Variants in ELMO2 observed in about 807,000 individuals in gnomAD.
ELMO2 encodes engulfment and cell motility protein 2.
ELMO2 carries 37 observed loss-of-function variants against 96.2 expected under a neutral mutation model. The ratio of observed to expected loss-of-function variants is 0.38; its 90% CI spans 0.30 to 0.51. The LOEUF (loss-of-function observed/expected upper bound fraction) is 0.51, where lower values mean the gene tolerates loss of function less well. Ranked by LOEUF, ELMO2 falls within the 20% of genes least tolerant of loss-of-function variation. The probability of loss-of-function intolerance (pLI) is 0.88; values close to 1 mark genes in which losing one functional copy is unlikely to be tolerated. For missense variants in ELMO2, 561 were observed against 912.6 expected, an observed-to-expected ratio of 0.61 and a Z score of 4.96; for synonymous variants, 315 against 329.4, an observed-to-expected ratio of 0.96 and a Z score of 0.47.
In ELMO2 at chr20:46,368,975, G is replaced by A; in HGVS notation, c.1885-7C>T. 6.2e-7 allele frequency: 1 copy of A among 1,614,118 alleles called. No individual in the cohort carries two copies. On this transcript the variant is annotated splice_region_variant and splice_polypyrimidine_tract_variant and intron_variant, in intron 20 of 21. Coordinates refer to ENST00000290246, the MANE Select transcript of ELMO2 (RefSeq NM_133171.5). ...AGGCCAATTCCAACACCTCCTGAAG[G>A]AGAAAGGGTTTAAATTAGAGCGATG... is the stretch of plus-strand genomic sequence containing the variant.
rs543962709 is a variant in ELMO2 at position 46,373,664 on chromosome 20, C to T, written c.1280-129G>A. ...CCTAAGGCGCGCAATTAACAGGGAG[C>T]GTGGGATGGGCGTTTCTCACGTCCT... is the stretch of plus-strand genomic sequence containing the variant. On this transcript the variant is annotated intron_variant, in intron 15 of 21. Coordinates refer to ENST00000290246, the MANE Select transcript of ELMO2 (RefSeq NM_133171.5). 40 of 1,181,038 alleles carry T rather than the reference C, an allele frequency of 3.4e-5. No homozygotes were observed. In the African/African-American group the frequency reaches 3.4e-4, roughly 10 times the overall value. The allele number at this position is 1,181,038 out of a possible 1,614,324, so 73.2% of individuals were successfully genotyped here. A position where few individuals can be genotyped will look rare whatever the true frequency, so the allele number is the denominator to read the frequency against.
intron 1 of ELMO2, among the ~76,000 whole-genome samples, chr20:46,400,041 G>A (rs1346798825): frequency 6.6e-6 from 1 of 152,204 alleles, no homozygotes; most frequent in Admixed American, 6.5e-5. Flanking sequence ...AGGAGGCTGA[G>A]GCAGGAGAGT....
chr20:46,395,165 G>A (rs1264556480), intron 2 of ELMO2, among the ~76,000 whole-genome samples: 1 of 152,326 alleles, frequency 6.6e-6, no homozygotes, highest in East Asian at 1.9e-4. Context: ...CTCAAGTGGA[G>A]AGAGGTAAGG....
At chr20:46,405,534 C>T (rs2145870104) in intron 1 of ELMO2, among the ~76,000 whole-genome samples, 1 of 152,166 alleles carries the variant, frequency 6.6e-6, no homozygotes, top group Non-Finnish European at 1.5e-5. Context: ...GGTTCTGGAT[C>T]TGACCCTACA....
chr20:46,391,951 T>C (rs926944488), intron 6 of ELMO2, among the ~76,000 whole-genome samples: 1 of 152,220 alleles, frequency 6.6e-6, no homozygotes, highest in African/African-American at 2.4e-5. Context: ...GTGTTTTCTT[T>C]TAAAACCAAG....
rs401379 is a variant in ELMO2 at position 46,406,574 on chromosome 20, T to C, written c.-152A>G. 0.2 allele frequency: 30,319 copies of C among 152,754 alleles called. 5,921 individuals are homozygous for C. Among genetic ancestry groups the C allele is most frequent in the African/African-American group, 0.51 (21,103 of 41,516 alleles). The allele number at this position is 152,754 out of a possible 1,614,324, so 9.5% of individuals were successfully genotyped here. ...AGGGCGCAGACCTAGGCCCAGCTCC[T>C]GCTCCCGGGTCTCCGCTCGGCGGCT... On this transcript the variant is annotated 5_prime_UTR_variant, in exon 1 of 22. Coordinates refer to ENST00000290246, the MANE Select transcript of ELMO2 (RefSeq NM_133171.5).
At chr20:46,385,480 A>T (rs1052505936) in intron 9 of ELMO2, among the ~76,000 whole-genome samples, 26 of 152,234 alleles carry the variant, frequency 1.7e-4, no homozygotes, top group African/African-American at 6.3e-4. Context: ...TGATCCTCAC[A>T]GTGTGAGAGG....
chr20:46,389,316 C>G (rs560725223), intron 6 of ELMO2, 96 bp from the exon 7 acceptor site: 1 of 1,315,076 alleles, frequency 7.6e-7, no homozygotes, highest in South Asian at 1.4e-5. Flanking sequence ...GACATCCAAA[C>G]CTGAGGCAGA....
At position 46,368,983 on chromosome 20, in the gene ELMO2, G is replaced by T; in HGVS notation, c.1885-15C>A. 6.2e-7 allele frequency: 1 copy of T among 1,613,634 alleles called. No individual in the cohort carries two copies. The highest frequency in any genetic ancestry group is 8.5e-7 in the Non-Finnish European group (1 of 1,179,542). On this transcript the variant is annotated splice_polypyrimidine_tract_variant and intron_variant, in intron 20 of 21. Coordinates refer to ENST00000290246, the MANE Select transcript of ELMO2 (RefSeq NM_133171.5). ...TCCAACACCTCCTGAAGGAGAAAGG[G>T]TTTAAATTAGAGCGATGGAACAGCC...
intron 19 of ELMO2, 59 bp from the exon 20 acceptor site, chr20:46,370,584 C>T: frequency 1.3e-6 from 2 of 1,522,552 alleles, no homozygotes; most frequent in Non-Finnish European, 1.8e-6. Flanking sequence ...TCAGTGCCTA[C>T]ATCAGTGCTG....
intron 19 of ELMO2, among the ~76,000 whole-genome samples, chr20:46,370,885 C>T (rs1043190491): frequency 6.6e-6 from 1 of 152,186 alleles, no homozygotes; most frequent in Non-Finnish European, 1.5e-5. Flanking sequence ...CAGCTGCTAA[C>T]AGTTATGCTG....
intron 2 of ELMO2, among the ~76,000 whole-genome samples, chr20:46,395,710 G>A: frequency 6.6e-6 from 1 of 152,176 alleles, no homozygotes. Context: ...TCAGAAAGAG[G>A]GATGCTTTCA....
intron 7 of ELMO2, 68 bp downstream of exon 7, chr20:46,388,971 G>T: frequency 6.6e-7 from 1 of 1,516,970 alleles, no homozygotes; most frequent in Non-Finnish European, 9.0e-7. Context: ...AGGGAAATGA[G>T]ACTAGGATGC....
intron 2 of ELMO2, among the ~76,000 whole-genome samples, chr20:46,396,073 G>T (rs1057265258): frequency 3.3e-5 from 5 of 152,240 alleles, no homozygotes; most frequent in African/African-American, 1.2e-4. Flanking sequence ...AAGTGGGTTG[G>T]CCTTATGGCC....
In ELMO2 at chr20:46,374,581, G is replaced by A. The variant is rs140527444; in HGVS notation, c.1125C>T (p.Asp375=). Residue 375 remains aspartate, a synonymous_variant, in exon 14 of 22, where the codon GAC becomes GAT. Transcript: ENST00000290246. ...GGACTTTAGCCAAGTACAGCATGTTGTCCAAGGCCAGCATTCCAGGAGGAG... is the reference window on the plus strand; with the variant it reads ...GGACTTTAGCCAAGTACAGCATGTTATCCAAGGCCAGCATTCCAGGAGGAG... ...TQTPPGMLAL[D]NMLYLAKVHQ... is the part of the protein sequence containing the mutation. The A allele has an allele frequency of 6.2e-7, 1 of 1,614,210 alleles. No homozygotes were observed. The highest frequency in any genetic ancestry group is 1.7e-5 in the Admixed American group (1 of 60,028).
rs765755600 is a variant in ELMO2 at position 46,375,709 on chromosome 20, G to C, written c.889C>G (p.Leu297Val). 1 of 1,614,154 alleles carries C rather than the reference G, an allele frequency of 6.2e-7. No homozygotes were observed. Among genetic ancestry groups the C allele is most frequent in the East Asian group, 2.2e-5 (1 of 44,884 alleles). Residue 297 changes from leucine to valine, a missense_variant, in exon 12 of 22, where the codon CTG (leucine) becomes GTG (valine). Coordinates refer to ENST00000290246, the MANE Select transcript of ELMO2 (RefSeq NM_133171.5). The surrounding 1 kb of genome is among the most constrained non-coding windows in gnomAD (Gnocchi z 4.6). ...YVLQVLTFNL[L>V]EERMMTKMDP... is the part of the protein sequence containing the mutation. ...ATCTTGGTCATCATCCTTTCTTCCAGAAGGTTAAAGGTTAGGACTTGAAGG... is the reference window on the plus strand; with the variant it reads ...ATCTTGGTCATCATCCTTTCTTCCACAAGGTTAAAGGTTAGGACTTGAAGG...
In ELMO2 at chr20:46,394,108, A is replaced by G; in HGVS notation, c.79-19T>C. On this transcript the variant is annotated intron_variant, in intron 3 of 21. Coordinates refer to ENST00000290246, the MANE Select transcript of ELMO2 (RefSeq NM_133171.5). Reference sequence around the variant, plus strand: ...GCCGTTTCTGAAAGAGAGAGAGAGAAAGCCTTCAACAGCAGCAACATCCTA... The same window carrying G: ...GCCGTTTCTGAAAGAGAGAGAGAGAGAGCCTTCAACAGCAGCAACATCCTA... 6.3e-7 allele frequency: 1 copy of G among 1,596,806 alleles called. No individual in the cohort carries two copies. Among genetic ancestry groups the G allele is most frequent in the Non-Finnish European group, 8.6e-7 (1 of 1,164,538 alleles).
At chr20:46,374,098 GTT>G (rs60843274) in intron 15 of ELMO2, among the ~76,000 whole-genome samples, 158 of 63,044 alleles carry the variant, frequency 2.5e-3, no homozygotes, top group Middle Eastern at 0.012. Context: ...CTAATTTTTG[GTT>G]TTTTTTTTTT....
Position 46,374,347 on chromosome 20 carries a change from G to T in ELMO2, c.1264C>A (p.Gln422Lys), listed in dbSNP as rs1314893915. 1 of 1,614,008 alleles carries T rather than the reference G, an allele frequency of 6.2e-7. No individual in the cohort carries two copies. Among genetic ancestry groups the T allele is most frequent in the East Asian group, 2.2e-5 (1 of 44,880 alleles). ...ELTKMLCEIL[Q>K]VGELPNEGRN... ...AGAGACTTACGTAGTTCCCCAACCT[G>T]CAGGATTTCACAGAGCATTTTGGTG... The change falls in exon 15 of 22, where the codon CAG (glutamine) becomes AAG (lysine). Residue 422 changes from glutamine (Q) to lysine (K), a missense_variant. Physicochemically the swap from Gln to Lys is moderately conservative, Grantham distance 53. Transcript: ENST00000290246.
Sources: allele counts gnomAD v4.1 joint callset (sites outside exome capture counted in the v4.1 genomes callset), GRCh38; gene constraint gnomAD v4.1.1; non-coding constraint Gnocchi (gnomAD v3.1); transcripts MANE v1.5; gene names NCBI Gene and HGNC (gene_info 2026-07-23, HGNC 2026-07-21).